Variants in CNTNAP2 observed in about 807,000 individuals in gnomAD.
CNTNAP2 encodes the protein contactin associated protein 2.
Under a neutral mutation model 155.2 loss-of-function variants are expected in CNTNAP2, and 98 were observed. The ratio of observed to expected loss-of-function variants is 0.63; its 90% CI spans 0.54 to 0.75. CNTNAP2 has a LOEUF of 0.75. Among genes scored for constraint, CNTNAP2 ranks in the 30% least tolerant of loss-of-function variants. The pLI, the probability that CNTNAP2 is intolerant of heterozygous loss-of-function variation, is 0.00. For missense variants in CNTNAP2, 1,727 were observed against 1,688.1 expected, an observed-to-expected ratio of 1.02 and a Z score of -0.40; for synonymous variants, 651 against 631.2, an observed-to-expected ratio of 1.03 and a Z score of -0.47.
chr7:147,247,350 A>T (rs1427344775), intron 8 of CNTNAP2, among the ~76,000 whole-genome samples: 1 of 152,206 alleles, frequency 6.6e-6, no homozygotes, highest in Admixed American at 6.5e-5. Flanking sequence ...TATAATGCCC[A>T]TCAAAACAGT....
At chr7:147,864,042 G>C (rs574763267) in intron 13 of CNTNAP2, among the ~76,000 whole-genome samples, 2 of 151,768 alleles carry the variant, frequency 1.3e-5, no homozygotes, top group Non-Finnish European at 1.5e-5. Context: ...GTTTTCTTCT[G>C]GGGTTTTTAT....
At chr7:146,439,918 G>T (rs550592970) in intron 1 of CNTNAP2, among the ~76,000 whole-genome samples, 16 of 151,686 alleles carry the variant, frequency 1.1e-4, no homozygotes, top group South Asian at 2.1e-4. Flanking sequence ...GAGGTCAGGA[G>T]TTCGAGACCA....
chr7:147,851,216 A>C (rs1302546334), intron 13 of CNTNAP2, among the ~76,000 whole-genome samples: 1 of 152,104 alleles, frequency 6.6e-6, no homozygotes, highest in Non-Finnish European at 1.5e-5. Flanking sequence ...TCAAAACCAC[A>C]ATGAGATACC....
chr7:147,318,483 G>C lies in CNTNAP2; in HGVS notation c.1498+18193G>C, dbSNP rs986007122. On this transcript the variant is annotated intron_variant, in intron 9 of 23. Coordinates refer to ENST00000361727, the MANE Select transcript of CNTNAP2 (RefSeq NM_014141.6). ...AAAAATTATAAGACAAAAATTTAAA[G>C]ACACTGTTATACTATGCAGCCATAA... is the stretch of plus-strand genomic sequence containing the variant. 3.3e-5 allele frequency among the ~76,000 whole-genome samples: 5 copies of C among 152,028 alleles called. No homozygotes were observed. In the East Asian group the frequency reaches 7.7e-4, roughly 23 times the overall value.
At chr7:147,563,206 C>A (rs1484740596) in intron 12 of CNTNAP2, among the ~76,000 whole-genome samples, 1 of 152,252 alleles carries the variant, frequency 6.6e-6, no homozygotes, top group African/African-American at 2.4e-5. Context: ...AGAATACCCA[C>A]CTCATAGCAT....
At chr7:148,313,001 T>A (rs541368851) in intron 21 of CNTNAP2, among the ~76,000 whole-genome samples, 1 of 151,746 alleles carries the variant, frequency 6.6e-6, no homozygotes, top group Non-Finnish European at 1.5e-5. Context: ...GGGAAGCAGA[T>A]AATTTAGTTA....
At chr7:147,053,383 A>G (rs532179023) in intron 4 of CNTNAP2, among the ~76,000 whole-genome samples, 11 of 152,228 alleles carry the variant, frequency 7.2e-5, no homozygotes, top group Non-Finnish European at 1.0e-4. Context: ...GAAACTTACA[A>G]TTGACTTTGT....
intron 1 of CNTNAP2, among the ~76,000 whole-genome samples, chr7:146,357,376 T>C (rs2129100068): frequency 6.6e-6 from 1 of 152,226 alleles, no homozygotes; most frequent in Non-Finnish European, 1.5e-5. Context: ...GGATTAAAAA[T>C]TATGCCTCTA....
chr7:147,739,806 A>G (rs1038968441), intron 13 of CNTNAP2, among the ~76,000 whole-genome samples: 2 of 152,118 alleles, frequency 1.3e-5, no homozygotes, highest in African/African-American at 4.8e-5. Flanking sequence ...TATGTATTTC[A>G]TGTATTTATA....
intron 6 of CNTNAP2, among the ~76,000 whole-genome samples, chr7:147,127,513 T>C (rs1584860664): frequency 6.6e-6 from 1 of 152,266 alleles, no homozygotes; most frequent in East Asian, 1.9e-4. Flanking sequence ...CACAGAATAT[T>C]TGACTTATGC....
At chr7:147,801,366 C>G (rs1272120252) in intron 13 of CNTNAP2, among the ~76,000 whole-genome samples, 2 of 98,304 alleles carry the variant, frequency 2.0e-5, no homozygotes, top group Non-Finnish European at 4.1e-5. Flanking sequence ...GGGTGTTTTT[C>G]GCAGAGGGGG....
intron 15 of CNTNAP2, among the ~76,000 whole-genome samples, chr7:148,039,644 G>A (rs961835166): frequency 5.9e-5 from 9 of 152,116 alleles, no homozygotes; most frequent in African/African-American, 1.4e-4. Flanking sequence ...TTGCACCATC[G>A]TTGCTCAGCA....
chr7:148,066,625 G>A (rs570760089), intron 15 of CNTNAP2, among the ~76,000 whole-genome samples: 4 of 151,988 alleles, frequency 2.6e-5, no homozygotes, highest in South Asian at 2.1e-4. Context: ...AGCCTCCCGA[G>A]TAGCTGGGAC....
In CNTNAP2 at chr7:147,832,598, C is replaced by T. The variant is rs1444679854; in HGVS notation, c.2099-70967C>T. 8.4e-5 allele frequency among the ~76,000 whole-genome samples: 12 copies of T among 142,960 alleles called. 1 individual carries two copies. Among genetic ancestry groups the T allele is most frequent in the Non-Finnish European group, 1.5e-4 (10 of 65,784 alleles). The allele number at this position is 142,960 out of a possible 152,430, so 93.8% of individuals were successfully genotyped here. On this transcript the variant is annotated intron_variant, in intron 13 of 23. Coordinates refer to ENST00000361727, the MANE Select transcript of CNTNAP2 (RefSeq NM_014141.6). The stretch of plus-strand genomic sequence containing the variant: ...AAATATATTGAAATATATATTTTTA[C>T]GTTTCAATATATTATATTTTTATAT...
chr7:147,775,405 A>C (rs868478592), intron 13 of CNTNAP2, among the ~76,000 whole-genome samples: 1 of 98,294 alleles, frequency 1.0e-5, no homozygotes, highest in South Asian at 2.7e-4. Context: ...ATATATATTT[A>C]TATATATATT....
chr7:146,647,040 C>A (rs770045310), intron 1 of CNTNAP2, among the ~76,000 whole-genome samples: 93 of 152,304 alleles, frequency 6.1e-4, no homozygotes, highest in Non-Finnish European at 7.5e-4. Flanking sequence ...GACAGGGACT[C>A]CCGGCCATAT....
At chr7:146,686,567 C>T (rs1035437876) in intron 1 of CNTNAP2, among the ~76,000 whole-genome samples, 3 of 151,954 alleles carry the variant, frequency 2.0e-5, no homozygotes, top group Admixed American at 6.6e-5. Flanking sequence ...TCTGTAAGAT[C>T]GAGGCACAGA....
chr7:146,708,734 T>A (rs1801010558), intron 1 of CNTNAP2, among the ~76,000 whole-genome samples: 1 of 150,980 alleles, frequency 6.6e-6, no homozygotes, highest in African/African-American at 2.4e-5. Flanking sequence ...TAGCTGGAAC[T>A]ACAAGTGTGC....
intron 13 of CNTNAP2, among the ~76,000 whole-genome samples, chr7:147,853,390 A>C (rs532603719): frequency 6.6e-6 from 1 of 152,350 alleles, no homozygotes; most frequent in African/African-American, 2.4e-5. Flanking sequence ...TTTGTACATT[A>C]GTAGAAAGTA....
Sources: gnomAD v4.1 joint callset for allele counts (sites outside exome capture counted in the v4.1 genomes callset) on GRCh38, gnomAD v4.1.1 for gene constraint, MANE v1.5 for transcripts, NCBI Gene and HGNC (gene_info 2026-07-23, HGNC 2026-07-21) for gene names.